THADA: variants seen among roughly 807,000 people sequenced by gnomAD.
THADA encodes THADA armadillo repeat containing, also known as tRNA (32-2'-O)-methyltransferase regulator THADA.
A neutral mutation model predicts 219.8 loss-of-function variants in THADA; 213 were observed. The observed-to-expected ratio is 0.97, with a 90% CI of 0.87 to 1.09. The LOEUF (loss-of-function observed/expected upper bound fraction) is 1.09. Among genes scored for constraint, THADA ranks in the 50% least tolerant of loss-of-function variants. THADA has a pLI of 0.00. For synonymous variants in THADA, 1,018 were observed against 828.9 expected (o/e 1.23, Z -3.92); for missense variants, 2,956 against 2,311.3 (o/e 1.28, Z -5.72).
intron 25 of THADA, among the ~76,000 whole-genome samples, chr2:43,496,835 A>G (rs1427438791): frequency 6.6e-6 from 1 of 152,208 alleles, no homozygotes; most frequent in Non-Finnish European, 1.5e-5. Flanking sequence ...GACTCAGATA[A>G]TTTATACATT....
At chr2:43,405,351 G>T (rs1675407507) in intron 28 of THADA, among the ~76,000 whole-genome samples, 2 of 152,344 alleles carry the variant, frequency 1.3e-5, no homozygotes, top group East Asian at 3.9e-4. Flanking sequence ...TTTGTATCCA[G>T]TGAGTTGGAA....
intron 22 of THADA, among the ~76,000 whole-genome samples, chr2:43,510,970 C>CA (rs1280052544): frequency 1.4e-5 from 2 of 143,964 alleles, no homozygotes; most frequent in South Asian, 2.2e-4. Flanking sequence ...GACTCCATCT[C>CA]AAAAAAAACT....
At chr2:43,359,189 C>T (rs1669212520) in intron 29 of THADA, among the ~76,000 whole-genome samples, 1 of 152,186 alleles carries the variant, frequency 6.6e-6, no homozygotes, top group Non-Finnish European at 1.5e-5. Flanking sequence ...ATAACTATGC[C>T]TCCCACAGTC....
In THADA at chr2:43,398,101, G is replaced by A. The variant is rs1424056306; in HGVS notation, c.4097C>T (p.Ala1366Val). 2 of 1,613,958 alleles carry A rather than the reference G, an allele frequency of 1.2e-6. No individual in the cohort carries two copies. The highest frequency in any genetic ancestry group is 2.2e-5 in the East Asian group (1 of 44,886). The change falls in exon 29 of 38, where the codon GCA becomes GTA. Residue 1366 changes from alanine (A) to valine (V), a missense_variant. Physicochemically the swap from Ala to Val is moderately conservative, Grantham distance 64 (BLOSUM62 0). Coordinates refer to ENST00000405975, the MANE Select transcript of THADA (RefSeq NM_022065.5). ...HSPVYHSREM[A>V]ARALVPFVMI... is the part of the protein sequence containing the mutation. ...AACAAATGGGACCAAGGCACGAGCT[G>A]CCATTTCACGGGAGTGGTAGACAGG...
At chr2:43,290,612 C>G (rs1674581721) in intron 34 of THADA, among the ~76,000 whole-genome samples, 1 of 152,158 alleles carries the variant, frequency 6.6e-6, no homozygotes, top group African/African-American at 2.4e-5. Context: ...CTAACTTTCT[C>G]TCATTAGACT....
chr2:43,244,807 G>A (rs1229995751), intron 36 of THADA, among the ~76,000 whole-genome samples: 2 of 152,198 alleles, frequency 1.3e-5, no homozygotes, highest in Non-Finnish European at 2.9e-5. Context: ...GCCTCCCAGA[G>A]GGTTCGATCG....
chr2:43,305,132 T>C (rs1178374311), intron 31 of THADA, among the ~76,000 whole-genome samples: 1 of 152,196 alleles, frequency 6.6e-6, no homozygotes, highest in African/African-American at 2.4e-5. Flanking sequence ...TTGTACACTC[T>C]TAACGTCAAT....
chr2:43,556,499 G>A lies in THADA; in HGVS notation c.2520C>T (p.Thr840=). 6.2e-7 allele frequency: 1 copy of A among 1,613,822 alleles called. No homozygotes were observed. The highest frequency in any genetic ancestry group is 1.1e-5 in the South Asian group (1 of 91,074). The stretch of plus-strand genomic sequence containing the variant: ...AAGCTGTCACACAGTCGTATGGTTT[G>A]GTGCTTGTGCTGAGCTCCAATGCTG... ...FQAALELSTS[T]KPYDCVTASY... Residue 840 remains threonine, a synonymous_variant, in exon 17 of 38, where the codon ACC becomes ACT. Coordinates refer to ENST00000405975, the MANE Select transcript of THADA (RefSeq NM_022065.5).
intron 28 of THADA, among the ~76,000 whole-genome samples, chr2:43,423,625 G>A (rs1678021586): frequency 6.6e-6 from 1 of 152,018 alleles, no homozygotes; most frequent in Non-Finnish European, 1.5e-5. Context: ...GTAGAGACGA[G>A]GTTTCACCGT....
chr2:43,584,069 A>G (rs1483912320), intron 7 of THADA, among the ~76,000 whole-genome samples: 1 of 151,634 alleles, frequency 6.6e-6, no homozygotes, highest in Admixed American at 6.6e-5. Flanking sequence ...AGGAAAAATA[A>G]ATGAAATAAG....
intron 26 of THADA, among the ~76,000 whole-genome samples, chr2:43,477,668 C>G (rs1221645412): frequency 6.6e-6 from 1 of 152,174 alleles, no homozygotes; most frequent in Non-Finnish European, 1.5e-5. Context: ...AAATGAATCC[C>G]AATGTTCTGT....
At chr2:43,523,908 T>C (rs558385469) in intron 22 of THADA, among the ~76,000 whole-genome samples, 85 of 152,166 alleles carry the variant, frequency 5.6e-4, no homozygotes, top group African/African-American at 1.8e-3. Context: ...GTTTGTATCT[T>C]ACGGTTGGAC....
chr2:43,285,770 C>T (rs1229675649), intron 35 of THADA, among the ~76,000 whole-genome samples: 2 of 152,066 alleles, frequency 1.3e-5, no homozygotes, highest in Non-Finnish European at 2.9e-5. Flanking sequence ...AGGCTGGTCT[C>T]GAACTCCCGA....
At chr2:43,382,093 G>GA (rs1057153971) in intron 29 of THADA, among the ~76,000 whole-genome samples, 4 of 151,974 alleles carry the variant, frequency 2.6e-5, no homozygotes, top group African/African-American at 9.7e-5. Context: ...TCAAAAACAT[G>GA]AAAAAAAGCA....
At chr2:43,320,719 T>G (rs939507076) in intron 30 of THADA, among the ~76,000 whole-genome samples, 179 bp from the exon 31 acceptor site, 1 of 152,152 alleles carries the variant, frequency 6.6e-6, no homozygotes, top group Admixed American at 6.5e-5. Context: ...TGTGAGCAAA[T>G]GAAATCCTTG....
intron 36 of THADA, among the ~76,000 whole-genome samples, chr2:43,234,567 C>G (rs921082336): frequency 6.6e-6 from 1 of 152,216 alleles, no homozygotes; most frequent in Non-Finnish European, 1.5e-5. Context: ...CCATTTTTAC[C>G]TCTACCTAAC....
At chr2:43,500,437 G>C (rs139096297) in intron 24 of THADA, among the ~76,000 whole-genome samples, 1 of 152,284 alleles carries the variant, frequency 6.6e-6, no homozygotes, top group Non-Finnish European at 1.5e-5. Flanking sequence ...TAAAAAGACA[G>C]GACAGGCACA....
intron 26 of THADA, among the ~76,000 whole-genome samples, chr2:43,453,599 A>C (rs1682628303): frequency 6.6e-6 from 1 of 152,242 alleles, no homozygotes; most frequent in South Asian, 2.1e-4. Flanking sequence ...TAGATATTCC[A>C]AGATGAGAGT....
chr2:43,505,752 CAA>C lies in THADA; in HGVS notation c.3508-19_3508-18del. The C allele has an allele frequency of 6.6e-7, 1 of 1,522,696 alleles. No homozygotes were observed. Among genetic ancestry groups the C allele is most frequent in the Non-Finnish European group, 9.0e-7 (1 of 1,116,606 alleles). The allele number at this position is 1,522,696 out of a possible 1,614,324, so 94.3% of individuals were successfully genotyped here. On this transcript the variant is annotated intron_variant, in intron 23 of 37. Coordinates refer to ENST00000405975, the MANE Select transcript of THADA (RefSeq NM_022065.5). ...CAACAGTGCCTATGGAAAAAGAATG[CAA>C]AAATTAACAGGGTTCTTAGTTTACA... is the stretch of plus-strand genomic sequence containing the variant.
Sources: gnomAD v4.1 joint callset for allele counts (sites outside exome capture counted in the v4.1 genomes callset) on GRCh38, gnomAD v4.1.1 for gene constraint, MANE v1.5 for transcripts, NCBI Gene and HGNC (gene_info 2026-07-23, HGNC 2026-07-21) for gene names.